SEMA3E: variants seen among roughly 807,000 people sequenced by gnomAD.
SEMA3E encodes the protein semaphorin-3E.
SEMA3E carries 49 observed loss-of-function variants against 93.6 expected under a neutral mutation model. That is an observed-to-expected ratio of 0.52 (90% CI 0.42 to 0.66). The LOEUF is 0.66. SEMA3E is among the 30% of genes least tolerant of loss of function. The probability of loss-of-function intolerance (pLI) is 0.00; values close to 1 mark genes in which losing one functional copy is unlikely to be tolerated. For synonymous variants in SEMA3E, 363 were observed against 330.7 expected, an observed-to-expected ratio of 1.10 and a Z score of -1.06; for missense variants, 906 against 964.8, an observed-to-expected ratio of 0.94 and a Z score of 0.81.
chr7:83,423,998 T>G (rs1788721766), intron 4 of SEMA3E, among the ~76,000 whole-genome samples: 1 of 152,166 alleles, frequency 6.6e-6, no homozygotes, highest in Non-Finnish European at 1.5e-5. Context: ...TATTAGCCCA[T>G]TAATTTTTTT....
intron 1 of SEMA3E, among the ~76,000 whole-genome samples, chr7:83,536,150 A>G (rs965996210): frequency 6.6e-6 from 1 of 152,106 alleles, no homozygotes; most frequent in Non-Finnish European, 1.5e-5. Flanking sequence ...TAAAACTAAG[A>G]TTAATTATTT....
chr7:83,500,657 A>T (rs1186389705), intron 1 of SEMA3E, among the ~76,000 whole-genome samples: 1 of 129,322 alleles, frequency 7.7e-6, no homozygotes, highest in Non-Finnish European at 1.6e-5. Flanking sequence ...CAATGGCATG[A>T]TCTCGGCTCA....
intron 16 of SEMA3E, among the ~76,000 whole-genome samples, chr7:83,369,363 A>G (rs1236250976): frequency 6.6e-6 from 1 of 152,156 alleles, no homozygotes; most frequent in African/African-American, 2.4e-5. Flanking sequence ...CAATGTGATT[A>G]CTCAGGTGTA....
intron 1 of SEMA3E, among the ~76,000 whole-genome samples, chr7:83,506,030 A>T (rs866463674): frequency 9.1e-4 from 122 of 133,474 alleles, no homozygotes; most frequent in African/African-American, 2.6e-3. Flanking sequence ...AAAAAAAAAA[A>T]AAATATATAT....
chr7:83,455,586 T>C (rs1789462580), intron 4 of SEMA3E, among the ~76,000 whole-genome samples: 1 of 152,204 alleles, frequency 6.6e-6, no homozygotes, highest in African/African-American at 2.4e-5. Context: ...ACGATCCCCT[T>C]CCTCTGGTGT....
intron 16 of SEMA3E, among the ~76,000 whole-genome samples, chr7:83,378,736 C>A (rs1787711243): frequency 6.6e-6 from 1 of 151,834 alleles, no homozygotes; most frequent in African/African-American, 2.4e-5. Flanking sequence ...ACTGTTTCTA[C>A]TTATTTAAGC....
At chr7:83,460,255 A>G (rs570318548) in intron 4 of SEMA3E, among the ~76,000 whole-genome samples, 1 of 152,164 alleles carries the variant, frequency 6.6e-6, no homozygotes, top group South Asian at 2.1e-4. Flanking sequence ...CATCTCACCA[A>G]TTTTAAATCA....
intron 1 of SEMA3E, among the ~76,000 whole-genome samples, chr7:83,576,962 T>C (rs1792417961): frequency 6.6e-6 from 1 of 152,186 alleles, no homozygotes; most frequent in South Asian, 2.1e-4. Flanking sequence ...TAACTAAAAT[T>C]CCAAATAATT....
chr7:83,565,126 C>T (rs1249983012), intron 1 of SEMA3E, among the ~76,000 whole-genome samples: 1 of 152,080 alleles, frequency 6.6e-6, no homozygotes, highest in African/African-American at 2.4e-5. Context: ...GACACATACA[C>T]CGTCCCAAGA....
At chr7:83,622,789 A>T (rs1006837826) in intron 1 of SEMA3E, among the ~76,000 whole-genome samples, 1 of 152,186 alleles carries the variant, frequency 6.6e-6, no homozygotes, top group Non-Finnish European at 1.5e-5. Flanking sequence ...ATGAGAACAC[A>T]TGGATACATA....
chr7:83,388,879 G>A (rs1787938060), intron 14 of SEMA3E, among the ~76,000 whole-genome samples: 1 of 149,432 alleles, frequency 6.7e-6, no homozygotes, highest in Admixed American at 6.7e-5. Context: ...TATTTCAAGA[G>A]ATCAAGTGCT....
At position 83,373,568 on chromosome 7, in the gene SEMA3E, G is replaced by A. The variant is rs185846816; in HGVS notation, c.1876-5530C>T. Among the ~76,000 whole-genome samples, 117 of 152,112 alleles carry A rather than the reference G, an allele frequency of 7.7e-4. 1 individual carries two copies. Among genetic ancestry groups the A allele is most frequent in the African/African-American group, 2.6e-3 (107 of 41,494 alleles). On this transcript the variant is annotated intron_variant, in intron 16 of 16. Transcript: ENST00000643230. The stretch of plus-strand genomic sequence containing the variant: ...GGATGAATTGTTTAAAAGCTCATTC[G>A]GGGAAACCTATCACACTACGTGGAG...
intron 1 of SEMA3E, among the ~76,000 whole-genome samples, chr7:83,570,202 T>A (rs945066822): frequency 6.6e-6 from 1 of 152,068 alleles, no homozygotes. Flanking sequence ...TACCAATATA[T>A]TTGGGATGCA....
intron 1 of SEMA3E, among the ~76,000 whole-genome samples, chr7:83,584,300 G>A (rs1453516270): frequency 6.6e-6 from 1 of 152,068 alleles, no homozygotes; most frequent in Non-Finnish European, 1.5e-5. Flanking sequence ...CGCAGCTAAT[G>A]AATGCCAAAG....
At chr7:83,397,199 A>C (rs935163693) in intron 11 of SEMA3E, among the ~76,000 whole-genome samples, 3 of 152,272 alleles carry the variant, frequency 2.0e-5, no homozygotes, top group African/African-American at 7.2e-5. Flanking sequence ...CATATTTTTA[A>C]TTAGCAAAAT....
chr7:83,441,739 T>G (rs1789118617), intron 4 of SEMA3E, among the ~76,000 whole-genome samples: 1 of 149,724 alleles, frequency 6.7e-6, no homozygotes, highest in Non-Finnish European at 1.5e-5. Flanking sequence ...AAACAGATTT[T>G]TAAGCCTACA....
At chr7:83,532,584 A>C (rs1051921544) in intron 1 of SEMA3E, among the ~76,000 whole-genome samples, 2 of 152,028 alleles carry the variant, frequency 1.3e-5, no homozygotes, top group Non-Finnish European at 2.9e-5. Flanking sequence ...TGGTAAAAAC[A>C]CTCCATAATC....
intron 1 of SEMA3E, among the ~76,000 whole-genome samples, chr7:83,566,324 G>A (rs1349367941): frequency 6.6e-6 from 1 of 151,872 alleles, no homozygotes; most frequent in Non-Finnish European, 1.5e-5. Context: ...CCATTCTTTT[G>A]CACTAAACAT....
At chr7:83,593,550 A>C (rs1462515234) in intron 1 of SEMA3E, among the ~76,000 whole-genome samples, 1 of 152,094 alleles carries the variant, frequency 6.6e-6, no homozygotes, top group Non-Finnish European at 1.5e-5. Flanking sequence ...GCTGAGAAGC[A>C]GTGAGAAAGA....
Sources: gnomAD v4.1 joint callset for allele counts (sites outside exome capture counted in the v4.1 genomes callset) on GRCh38, gnomAD v4.1.1 for gene constraint, MANE v1.5 for transcripts, NCBI Gene and HGNC (gene_info 2026-07-23, HGNC 2026-07-21) for gene names.